The following CAMTA1 variants were observed in gnomAD, a reference collection of about 807,000 sequenced individuals.
CAMTA1 encodes the protein calmodulin-binding transcription activator 1.
In CAMTA1, 27 loss-of-function variants were observed where a neutral mutation model predicts 170.9. The observed-to-expected ratio is 0.16, with a 90% confidence interval of 0.12 to 0.22. The LOEUF is 0.22. Among genes scored for constraint, CAMTA1 ranks in the 10% least tolerant of loss-of-function variants. The pLI is 1.00. For missense variants in CAMTA1, 1,619 were observed against 2,217.2 expected, an observed-to-expected ratio of 0.73 and a Z score of 5.42; for synonymous variants, 833 against 891.5, an observed-to-expected ratio of 0.93 and a Z score of 1.17.
chr1:7,307,600 G>C (rs769544927), intron 5 of CAMTA1, among the ~76,000 whole-genome samples: 14 of 151,914 alleles, frequency 9.2e-5, no homozygotes, highest in Non-Finnish European at 1.6e-4. Flanking sequence ...CCTTCATCTG[G>C]TTGAGAATAT....
intron 4 of CAMTA1, among the ~76,000 whole-genome samples, chr1:7,140,431 T>C (rs901048579): frequency 2.0e-5 from 3 of 152,174 alleles, no homozygotes; most frequent in South Asian, 2.1e-4. Context: ...CAAGCCCTTA[T>C]AGGACTTCAA....
chr1:7,450,566 G>A (rs1296611477), intron 5 of CAMTA1, among the ~76,000 whole-genome samples: 4 of 152,216 alleles, frequency 2.6e-5, no homozygotes, highest in Non-Finnish European at 5.9e-5. Context: ...GGTGCCCGGG[G>A]CTGCAGGCCC....
At chr1:6,958,190 A>G (rs1356304515) in intron 3 of CAMTA1, among the ~76,000 whole-genome samples, 1 of 152,140 alleles carries the variant, frequency 6.6e-6, no homozygotes, top group Non-Finnish European at 1.5e-5. Context: ...CCTTTCCCCT[A>G]GGCCCCTCCC....
chr1:7,387,891 C>G (rs1229429229), intron 5 of CAMTA1, among the ~76,000 whole-genome samples: 1 of 152,218 alleles, frequency 6.6e-6, no homozygotes, highest in Non-Finnish European at 1.5e-5. Flanking sequence ...CTCCCCCTCA[C>G]TTGGCTTTTC....
intron 7 of CAMTA1, among the ~76,000 whole-genome samples, chr1:7,653,110 G>A (rs533164315): frequency 7.1e-4 from 108 of 152,160 alleles, no homozygotes; most frequent in Non-Finnish European, 1.4e-3. Context: ...AGGTTGGGGC[G>A]GGGCCTGAGA....
At position 7,341,804 on chromosome 1, in the gene CAMTA1, C is replaced by T. The variant is rs954422314; in HGVS notation, c.438+92178C>T. On this transcript the variant is annotated intron_variant, in intron 5 of 22. Transcript: ENST00000303635. ...TCAAAATCGTGACTGTCTTAGTCTC[C>T]ATAGGATAAATGAGAATTAAGTTTC... Among the ~76,000 whole-genome samples the T allele has an allele frequency of 2.6e-5, 4 of 152,198 alleles. No homozygotes were observed. The East Asian group carries it at 5.8e-4, about 22-fold the overall frequency.
Position 7,635,269 on chromosome 1 carries a change from C to T in CAMTA1, c.511-5131C>T, listed in dbSNP as rs1342443070. 6.6e-6 allele frequency among the ~76,000 whole-genome samples: 1 copy of T among 152,226 alleles called. No homozygotes were observed. Among genetic ancestry groups the T allele is most frequent in the Admixed American group, 6.5e-5 (1 of 15,292 alleles). ...GGTGAACCCCACGGAAACATCAGGG[C>T]AGCCTGGGCAAGACAAAGGCAGCTT... On this transcript the variant is annotated intron_variant, in intron 6 of 22. Transcript: ENST00000303635. The surrounding 1 kb of genome is among the most constrained non-coding windows in gnomAD (Gnocchi z 4.4).
Position 7,665,270 on chromosome 1 carries a change from G to C in CAMTA1, c.2652+71G>C, listed in dbSNP as rs538342982. On this transcript the variant is annotated intron_variant, in intron 9 of 22. Coordinates refer to ENST00000303635, the MANE Select transcript of CAMTA1 (RefSeq NM_015215.4). The surrounding 1 kb of genome is among the most constrained non-coding windows in gnomAD (Gnocchi z 4.3). ...ACCTCGCCAGCCCCTGCGCCACCCT[G>C]CAGCTAAGGGATGCCTGTGGCTGCC... 2.3e-6 allele frequency: 3 copies of C among 1,290,278 alleles called. No homozygotes were observed. The highest frequency in any genetic ancestry group is 3.0e-6 in the Non-Finnish European group (3 of 984,566). 79.9% of individuals were successfully genotyped at this position (1,290,278 alleles called of 1,614,324 possible).
chr1:6,996,482 G>A (rs937461419), intron 3 of CAMTA1, among the ~76,000 whole-genome samples: 2 of 152,162 alleles, frequency 1.3e-5, no homozygotes, highest in African/African-American at 4.8e-5. Context: ...ATCAGCTGGA[G>A]ATTGAGGCAG....
Position 7,732,330 on chromosome 1 carries a change from C to T in CAMTA1, c.2915-118C>T, listed in dbSNP as rs2096739999. 1.2e-6 allele frequency: 1 copy of T among 808,454 alleles called. No individual in the cohort carries two copies. Among genetic ancestry groups the T allele is most frequent in the Non-Finnish European group, 2.1e-6 (1 of 481,794 alleles). The allele number at this position is 808,454 out of a possible 1,614,324, so 50.1% of individuals were successfully genotyped here. A position where few individuals can be genotyped will look rare whatever the true frequency, so the allele number is the denominator to read the frequency against. On this transcript the variant is annotated intron_variant, in intron 11 of 22. Coordinates refer to ENST00000303635, the MANE Select transcript of CAMTA1 (RefSeq NM_015215.4). The surrounding 1 kb of genome is among the most constrained non-coding windows in gnomAD (Gnocchi z 4.1). ...GGAACTCTGGCTGGCGGAGACCTCT[C>T]TGGTTTGGTGAAGTTACGGACGGCA...
At chr1:7,332,694 G>A (rs964284553) in intron 5 of CAMTA1, among the ~76,000 whole-genome samples, 1 of 152,240 alleles carries the variant, frequency 6.6e-6, no homozygotes, top group African/African-American at 2.4e-5. Context: ...GAGCGACACA[G>A]TGTACTTGGT....
intron 3 of CAMTA1, among the ~76,000 whole-genome samples, chr1:7,000,144 G>A (rs1698002615): frequency 6.6e-6 from 1 of 152,216 alleles, no homozygotes; most frequent in African/African-American, 2.4e-5. Context: ...TGGGAGATGT[G>A]TGTCCAGGGC....
chr1:7,316,050 G>A (rs1217669377), intron 5 of CAMTA1, among the ~76,000 whole-genome samples: 1 of 152,198 alleles, frequency 6.6e-6, no homozygotes, highest in Admixed American at 6.5e-5. Flanking sequence ...AGAGAGAAGT[G>A]TGGAGCAATG....
rs111530813 is a variant in CAMTA1 at position 7,663,158 on chromosome 1, G to A, written c.806-195G>A. The stretch of plus-strand genomic sequence containing the variant: ...GTCAAAGGGGCGTGGGACGGCCCCC[G>A]GGCTTGGGGTACGTGTCCAAGGGCT... On this transcript the variant is annotated intron_variant, in intron 8 of 22. Coordinates refer to ENST00000303635, the MANE Select transcript of CAMTA1 (RefSeq NM_015215.4). Among the ~76,000 whole-genome samples the A allele has an allele frequency of 5.9e-5, 9 of 152,350 alleles. No homozygotes were observed. In the East Asian group the frequency reaches 9.7e-4, roughly 16 times the overall value.
At chr1:7,180,190 A>G (rs1048735929) in intron 4 of CAMTA1, among the ~76,000 whole-genome samples, 5 of 151,998 alleles carry the variant, frequency 3.3e-5, no homozygotes, top group Admixed American at 3.3e-4. Context: ...AACGTGGTAA[A>G]ACCGTGTCTC....
chr1:7,137,736 T>A (rs1415082376), intron 4 of CAMTA1, among the ~76,000 whole-genome samples: 1 of 152,150 alleles, frequency 6.6e-6, no homozygotes, highest in Non-Finnish European at 1.5e-5. Context: ...CCTCCCTCGT[T>A]TCCTTCAGGC....
At chr1:7,409,367 G>T (rs750677930) in intron 5 of CAMTA1, among the ~76,000 whole-genome samples, 4 of 152,236 alleles carry the variant, frequency 2.6e-5, no homozygotes, top group Non-Finnish European at 5.9e-5. Flanking sequence ...TGGCCCTTCT[G>T]TCCTGCAGGG....
intron 11 of CAMTA1, among the ~76,000 whole-genome samples, chr1:7,730,624 C>T (rs4908687): frequency 1.1e-4 from 16 of 152,164 alleles, no homozygotes; most frequent in African/African-American, 3.6e-4. Flanking sequence ...TGGCCAGGCA[C>T]GGGGTTTCAG....
intron 4 of CAMTA1, among the ~76,000 whole-genome samples, chr1:7,102,588 T>C (rs911121197): frequency 6.6e-6 from 1 of 152,184 alleles, no homozygotes; most frequent in African/African-American, 2.4e-5. Context: ...AACAAATGTA[T>C]GCGCAAGGAT....
Sources: gnomAD v4.1 joint callset for allele counts (sites outside exome capture counted in the v4.1 genomes callset) on GRCh38, gnomAD v4.1.1 for gene constraint, Gnocchi (gnomAD v3.1) non-coding constraint, MANE v1.5 for transcripts, NCBI Gene and HGNC (gene_info 2026-07-23, HGNC 2026-07-21) for gene names.